The following ANKS1A variants were observed in gnomAD, a reference collection of about 807,000 sequenced individuals.
ANKS1A encodes the protein ankyrin repeat and sterile alpha motif domain containing 1A.
In ANKS1A, 55 loss-of-function variants were observed where a neutral mutation model predicts 120.3. The observed-to-expected ratio is 0.46, with a 90% CI of 0.37 to 0.57. ANKS1A has a LOEUF of 0.57. Ranked by LOEUF, ANKS1A falls within the 20% of genes least tolerant of loss-of-function variation. The pLI is 0.00. For missense variants in ANKS1A, 1,123 were observed against 1,480.3 expected, an observed-to-expected ratio of 0.76 and a Z score of 3.96; for synonymous variants, 590 against 604.7, an observed-to-expected ratio of 0.98 and a Z score of 0.36.
At position 35,023,038 on chromosome 6, in the gene ANKS1A, C is replaced by G. The variant is rs776078470; in HGVS notation, c.2010+4979C>G. On this transcript the variant is annotated intron_variant, in intron 11 of 23. Transcript: ENST00000360359. ...CTTCAGGTCCAGTTCCTACCCTTTT[C>G]TATCTGCTTATGTGTCGTGCATTAA... Among the ~76,000 whole-genome samples, 12 of 152,226 alleles carry G rather than the reference C, an allele frequency of 7.9e-5. No homozygotes were observed. In the South Asian group the frequency reaches 1.0e-3, roughly 13 times the overall value.
intron 16 of ANKS1A, among the ~76,000 whole-genome samples, 184 bp from the exon 17 acceptor site, chr6:35,080,810 C>G (rs568143616): frequency 2.6e-5 from 4 of 152,274 alleles, no homozygotes; most frequent in Admixed American, 2.0e-4. Context: ...TCTCGGGGGA[C>G]ACTAGTGGAC....
chr6:34,912,435 A>C (rs541543892), intron 1 of ANKS1A, among the ~76,000 whole-genome samples: 5 of 152,080 alleles, frequency 3.3e-5, no homozygotes, highest in African/African-American at 1.2e-4. Flanking sequence ...CTCTCTCACT[A>C]TCCAACCTCA....
Position 35,088,799 on chromosome 6 carries a change from G to A in ANKS1A, c.*190G>A. 2.0e-6 allele frequency: 3 copies of A among 1,506,912 alleles called. No homozygotes were observed. The highest frequency in any genetic ancestry group is 1.3e-5 in the South Asian group (1 of 78,524). 93.3% of individuals were successfully genotyped at this position (1,506,912 alleles called of 1,614,324 possible). A position where few individuals can be genotyped will look rare whatever the true frequency, so the allele number is the denominator to read the frequency against. On this transcript the variant is annotated 3_prime_UTR_variant, in exon 24 of 24. Coordinates refer to ENST00000360359, the MANE Select transcript of ANKS1A (RefSeq NM_015245.3). ...CTGCAGAACGAGCCCTGCCTTGGCT[G>A]TGGAGAAGCACTCCAGGCCGCTAGC... is the stretch of plus-strand genomic sequence containing the variant.
intron 11 of ANKS1A, among the ~76,000 whole-genome samples, chr6:35,030,537 G>A (rs377220240): frequency 2.0e-5 from 3 of 152,082 alleles, no homozygotes; most frequent in East Asian, 1.9e-4. Flanking sequence ...CTTTACTACC[G>A]TACTTGACTG....
At chr6:35,015,551 G>T (rs1039309343) in intron 10 of ANKS1A, among the ~76,000 whole-genome samples, 2 of 152,106 alleles carry the variant, frequency 1.3e-5, no homozygotes, top group African/African-American at 4.8e-5. Context: ...TGGTGCTTCT[G>T]TGCTCCTGTG....
chr6:35,009,606 G>A (rs978892571), intron 10 of ANKS1A, among the ~76,000 whole-genome samples: 2 of 152,032 alleles, frequency 1.3e-5, no homozygotes, highest in African/African-American at 2.4e-5. Context: ...GATTCTTAAC[G>A]TTAAAGAGAA....
rs1004206633 is a variant in ANKS1A, at chr6:35,057,560, T to A, written c.2078-2587T>A. Among the ~76,000 whole-genome samples, 1 of 152,198 alleles carries A rather than the reference T, an allele frequency of 6.6e-6. No homozygotes were observed. The highest frequency in any genetic ancestry group is 1.5e-5 in the Non-Finnish European group (1 of 68,026). ...TTTAGAAGCCCTGGACTTCTGTCCC[T>A]GTACCTGTTTTATCTTTTTGGCCTG... On this transcript the variant is annotated intron_variant, in intron 12 of 23. Transcript: ENST00000360359. The surrounding 1 kb of genome is among the most constrained non-coding windows in gnomAD (Gnocchi z 4.1).
At chr6:35,055,004 C>T (rs530549376) in intron 12 of ANKS1A, among the ~76,000 whole-genome samples, 61 of 152,338 alleles carry the variant, frequency 4.0e-4, no homozygotes, top group African/African-American at 1.4e-3. Flanking sequence ...AATTCTTGCT[C>T]ACTCAGGAGG....
At chr6:34,936,074 A>G (rs1769241315) in intron 1 of ANKS1A, among the ~76,000 whole-genome samples, 1 of 151,484 alleles carries the variant, frequency 6.6e-6, no homozygotes, top group African/African-American at 2.4e-5. Flanking sequence ...AAAAAAAAAA[A>G]AAAAAAAAAA....
chr6:34,957,148 C>A (rs1019271301), intron 1 of ANKS1A, among the ~76,000 whole-genome samples: 1 of 152,174 alleles, frequency 6.6e-6, no homozygotes, highest in Non-Finnish European at 1.5e-5. Flanking sequence ...TTCCTTTTGC[C>A]TTTTTGTTTG....
At chr6:34,905,488 T>C (rs1767606579) in intron 1 of ANKS1A, among the ~76,000 whole-genome samples, 1 of 151,288 alleles carries the variant, frequency 6.6e-6, no homozygotes, top group Non-Finnish European at 1.5e-5. Context: ...GTTTCACTTC[T>C]TGAGCACTTA....
At chr6:35,012,621 A>C (rs1773820730) in intron 10 of ANKS1A, among the ~76,000 whole-genome samples, 1 of 152,238 alleles carries the variant, frequency 6.6e-6, no homozygotes, top group Non-Finnish European at 1.5e-5. Context: ...GAGGTGAATG[A>C]AAATGTGTAA....
intron 10 of ANKS1A, among the ~76,000 whole-genome samples, chr6:34,996,662 A>G (rs750507795): frequency 6.6e-6 from 1 of 152,100 alleles, no homozygotes; most frequent in Non-Finnish European, 1.5e-5. Flanking sequence ...TAGTAGAGCT[A>G]GGGTTTCACC....
chr6:34,939,734 G>T (rs930648929), intron 1 of ANKS1A, among the ~76,000 whole-genome samples: 4 of 152,066 alleles, frequency 2.6e-5, no homozygotes, highest in Non-Finnish European at 5.9e-5. Context: ...AAAAGAAAAG[G>T]TTTGGGGATA....
At chr6:35,020,059 G>A (rs1188133606) in intron 11 of ANKS1A, among the ~76,000 whole-genome samples, 1 of 151,954 alleles carries the variant, frequency 6.6e-6, no homozygotes, top group African/African-American at 2.4e-5. Flanking sequence ...GTTTTTCTAG[G>A]GTGCTGACTG....
At chr6:34,920,370 C>G (rs1333450766) in intron 1 of ANKS1A, among the ~76,000 whole-genome samples, 1 of 151,910 alleles carries the variant, frequency 6.6e-6, no homozygotes, top group African/African-American at 2.4e-5. Context: ...TGTGCACCAC[C>G]ATGCCAGGCT....
At chr6:34,922,461 A>T (rs907780878) in intron 1 of ANKS1A, among the ~76,000 whole-genome samples, 16 of 152,142 alleles carry the variant, frequency 1.1e-4, no homozygotes, top group Admixed American at 9.8e-4. Flanking sequence ...TTGGCCACAG[A>T]CATTGCCTTC....
At position 35,082,657 on chromosome 6, in the gene ANKS1A, A is replaced by C; in HGVS notation, c.2710-34A>C. The C allele has an allele frequency of 6.3e-7, 1 of 1,585,328 alleles. No individual in the cohort carries two copies. Among genetic ancestry groups the C allele is most frequent in the Middle Eastern group, 1.7e-4 (1 of 5,860 alleles). On this transcript the variant is annotated intron_variant, in intron 17 of 23. Coordinates refer to ENST00000360359, the MANE Select transcript of ANKS1A (RefSeq NM_015245.3). This position sits in a 1 kb window ranked among gnomAD's most constrained non-coding sequence, Gnocchi z 4.1. ...GCAAGCCCATGTGCTCCTCTGGAGC[A>C]AGGAGCAGGTGTCCAATTGCGTGTG...
At position 35,085,653 on chromosome 6, in the gene ANKS1A, G is replaced by T. The variant is rs1777921911; in HGVS notation, c.3133-113G>T. On this transcript the variant is annotated intron_variant, in intron 21 of 23. Coordinates refer to ENST00000360359, the MANE Select transcript of ANKS1A (RefSeq NM_015245.3). This position sits in a 1 kb window ranked among gnomAD's most constrained non-coding sequence, Gnocchi z 4.7. Reference sequence around the variant, plus strand: ...AGGAGGGAAGAGTGGAAGGAGGTAGGAGCGCTCCCGGGTAGACTTAGAGGG... The same window carrying T: ...AGGAGGGAAGAGTGGAAGGAGGTAGTAGCGCTCCCGGGTAGACTTAGAGGG... 1.9e-6 allele frequency: 2 copies of T among 1,079,954 alleles called. No homozygotes were observed. The highest frequency in any genetic ancestry group is 2.6e-6 in the Non-Finnish European group (2 of 774,672). The allele number at this position is 1,079,954 out of a possible 1,614,324, so 66.9% of individuals were successfully genotyped here. A position where few individuals can be genotyped will look rare whatever the true frequency, so the allele number is the denominator to read the frequency against.
Sources: allele counts gnomAD v4.1 joint callset (sites outside exome capture counted in the v4.1 genomes callset), GRCh38; gene constraint gnomAD v4.1.1; non-coding constraint Gnocchi (gnomAD v3.1); transcripts MANE v1.5; gene names NCBI Gene and HGNC (gene_info 2026-07-23, HGNC 2026-07-21).